SH3BP4: variants seen among roughly 807,000 people sequenced by gnomAD.
SH3BP4 encodes the protein SH3 domain-binding protein 4.
In SH3BP4, 33 loss-of-function variants were observed where a neutral mutation model predicts 65.5. The observed-to-expected ratio is 0.50, with a 90% CI of 0.38 to 0.67. The LOEUF is 0.67. Ranked by LOEUF, SH3BP4 falls within the 30% of genes least tolerant of loss-of-function variation. The probability of loss-of-function intolerance (pLI) is 0.00; values close to 1 mark genes in which losing one functional copy is unlikely to be tolerated. For synonymous variants in SH3BP4, 552 were observed against 545.5 expected (o/e 1.01, Z -0.17); for missense variants, 1,134 against 1,261.4 (o/e 0.90, Z 1.53).
chr2:235,037,117 T>C (rs1168580047), intron 3 of SH3BP4, among the ~76,000 whole-genome samples: 2 of 152,200 alleles, frequency 1.3e-5, no homozygotes, highest in Non-Finnish European at 2.9e-5. Context: ...GGCAGACGGA[T>C]AGGAAATGTA....
intron 1 of SH3BP4, among the ~76,000 whole-genome samples, chr2:234,989,229 G>A (rs1011936637): frequency 2.0e-5 from 3 of 152,186 alleles, no homozygotes; most frequent in South Asian, 2.1e-4. Context: ...CTGATTGTGC[G>A]AACCCGAAGC....
At chr2:234,971,122 C>G (rs1243737291) in intron 1 of SH3BP4, among the ~76,000 whole-genome samples, 2 of 152,210 alleles carry the variant, frequency 1.3e-5, no homozygotes, top group Non-Finnish European at 2.9e-5. Context: ...ATCTTCACAC[C>G]TTTTTCATCT....
chr2:235,038,376 C>CT (rs1695509443), intron 3 of SH3BP4, among the ~76,000 whole-genome samples: 1 of 12,364 alleles, frequency 8.1e-5, no homozygotes, highest in African/African-American at 3.6e-4. Context: ...AATATATATA[C>CT]ATATATATAT....
rs1375057859 is a variant in SH3BP4 at position 235,042,471 on chromosome 2, A to G, written c.1702A>G (p.Lys568Glu). The change falls in exon 4 of 6, where the codon AAG becomes GAG. Residue 568 changes from lysine to glutamate, a missense_variant. Transcript: ENST00000392011. This position sits in a 1 kb window ranked among gnomAD's most constrained non-coding sequence, Gnocchi z 7.3. ...GCGAGGATTCCAGCTGAAGCTGGGC[A>G]AGGTGAGCCGCCTGATCTTCCCCAT... ...VVRGFQLKLG[K>E]VSRLIFPITS... is the part of the protein sequence containing the mutation. The G allele has an allele frequency of 1.9e-6, 3 of 1,614,136 alleles. No homozygotes were observed. The highest frequency in any genetic ancestry group is 1.1e-5 in the South Asian group (1 of 91,080).
chr2:235,038,394 T>TA (rs1559254822), intron 3 of SH3BP4, among the ~76,000 whole-genome samples: 1 of 55,712 alleles, frequency 1.8e-5, no homozygotes. Context: ...TATATATATA[T>TA]ATATATATAT....
chr2:234,977,465 G>A lies in SH3BP4; in HGVS notation c.-206-17838G>A, dbSNP rs73995705. ...CACGGAGGCAGATCAGCTTTTTGCC[G>A]AGTGAACTTGAGAACCGGAGCAGAG... On this transcript the variant is annotated intron_variant, in intron 1 of 5. Transcript: ENST00000392011. The surrounding 1 kb of genome is among the most constrained non-coding windows in gnomAD (Gnocchi z 5.1). Among the ~76,000 whole-genome samples, 69 of 152,066 alleles carry A rather than the reference G, an allele frequency of 4.5e-4. 1 individual carries two copies. The highest frequency in any genetic ancestry group is 3.3e-3 in the Admixed American group (51 of 15,272).
intron 2 of SH3BP4, among the ~76,000 whole-genome samples, chr2:235,025,514 A>G (rs1232876849): frequency 1.3e-5 from 2 of 152,222 alleles, no homozygotes; most frequent in African/African-American, 4.8e-5. Flanking sequence ...CGCAACAGTC[A>G]TCCGTGCCAC....
Position 234,974,864 on chromosome 2 carries a change from C to T in SH3BP4, c.-206-20439C>T, listed in dbSNP as rs942759710. Among the ~76,000 whole-genome samples, 4 of 152,104 alleles carry T rather than the reference C, an allele frequency of 2.6e-5. No individual in the cohort carries two copies. The highest frequency in any genetic ancestry group is 7.2e-5 in the African/African-American group (3 of 41,436). On this transcript the variant is annotated intron_variant, in intron 1 of 5. Transcript: ENST00000392011. This position sits in a 1 kb window ranked among gnomAD's most constrained non-coding sequence, Gnocchi z 4.6. ...TGCCCACACTGGGGGTGCTGCAGGTCGCGTTTCACCCTGGCACGCCCTGCC... is the reference window on the plus strand; with the variant it reads ...TGCCCACACTGGGGGTGCTGCAGGTTGCGTTTCACCCTGGCACGCCCTGCC...
intron 1 of SH3BP4, among the ~76,000 whole-genome samples, chr2:234,980,888 CT>C (rs1401666485): frequency 6.6e-6 from 1 of 152,104 alleles, no homozygotes; most frequent in African/African-American, 2.4e-5. Flanking sequence ...TGTAGGAGTG[CT>C]TTTCGTTTTT....
chr2:235,050,176 C>T (rs1431075695), intron 4 of SH3BP4, among the ~76,000 whole-genome samples: 3 of 151,798 alleles, frequency 2.0e-5, no homozygotes, highest in East Asian at 1.9e-4. Flanking sequence ...AGTGCAGTGG[C>T]GCGATCTCAG....
chr2:235,011,405 C>T (rs1276516023), intron 2 of SH3BP4, among the ~76,000 whole-genome samples: 1 of 152,180 alleles, frequency 6.6e-6, no homozygotes, highest in African/African-American at 2.4e-5. Context: ...GAGTTAGAGC[C>T]CATCCTAATT....
chr2:235,034,971 T>G lies in SH3BP4; in HGVS notation c.-32T>G. 4 of 1,567,892 alleles carry G rather than the reference T, an allele frequency of 2.6e-6. No individual in the cohort carries two copies. Among genetic ancestry groups the G allele is most frequent in the Non-Finnish European group, 3.5e-6 (4 of 1,138,664 alleles). On this transcript the variant is annotated 5_prime_UTR_variant, in exon 3 of 6. Coordinates refer to ENST00000392011, the MANE Select transcript of SH3BP4 (RefSeq NM_014521.3). The surrounding 1 kb of genome is among the most constrained non-coding windows in gnomAD (Gnocchi z 6.2). ...TAACTGGAGGAAGAAATATGAAGCC[T>G]TAGCGGCTTTACCCGGGAAGCGAGT...
chr2:235,002,872 T>C (rs1029074987), intron 2 of SH3BP4, among the ~76,000 whole-genome samples: 2 of 152,190 alleles, frequency 1.3e-5, no homozygotes, highest in African/African-American at 4.8e-5. Flanking sequence ...GATTCTAGAA[T>C]TGTCAGCAGA....
In SH3BP4 at chr2:234,952,058, A is replaced by ACCGCCG. The variant is rs886827246; in HGVS notation, c.-306_-301dup. Reference sequence around the variant, plus strand: ...TCGGCGGTCCGGGCCCCTCGCCACTACCGCCGCCGCCGCCGCCGTGAGTCC... The same window carrying ACCGCCG: ...TCGGCGGTCCGGGCCCCTCGCCACTACCGCCGCCGCCGCCGCCGCCGCCGTGAGTCC... On this transcript the variant is annotated 5_prime_UTR_variant, in exon 1 of 6. Transcript: ENST00000392011. The surrounding 1 kb of genome is among the most constrained non-coding windows in gnomAD (Gnocchi z 6.5). 5 of 142,410 alleles carry ACCGCCG rather than the reference A, an allele frequency of 3.5e-5. No individual in the cohort carries two copies. Among genetic ancestry groups the ACCGCCG allele is most frequent in the Non-Finnish European group, 6.2e-5 (4 of 64,626 alleles). 8.8% of individuals were successfully genotyped at this position (142,410 alleles called of 1,614,324 possible).
chr2:234,984,417 C>T (rs927681512), intron 1 of SH3BP4, among the ~76,000 whole-genome samples: 7 of 151,754 alleles, frequency 4.6e-5, no homozygotes, highest in East Asian at 1.9e-4. Context: ...CTGTATTGCC[C>T]GGGCTGGTCT....
chr2:234,970,536 CG>C (rs1464458810), intron 1 of SH3BP4, among the ~76,000 whole-genome samples: 1 of 152,208 alleles, frequency 6.6e-6, no homozygotes, highest in Non-Finnish European at 1.5e-5. Flanking sequence ...TACAAAACTT[CG>C]GGTGTGCATA....
At chr2:235,031,552 A>T (rs968210495) in intron 2 of SH3BP4, among the ~76,000 whole-genome samples, 3 of 152,026 alleles carry the variant, frequency 2.0e-5, no homozygotes, top group African/African-American at 4.8e-5. Context: ...GACAAGACTG[A>T]CCCTTCACCA....
chr2:235,032,838 C>T (rs1346517207), intron 2 of SH3BP4, among the ~76,000 whole-genome samples: 3 of 152,102 alleles, frequency 2.0e-5, no homozygotes, highest in Non-Finnish European at 4.4e-5. Context: ...CGGTCCAGGG[C>T]GTCCGGGGTT....
At position 235,022,319 on chromosome 2, in the gene SH3BP4, C is replaced by T. The variant is rs557534926; in HGVS notation, c.-132-12552C>T. On this transcript the variant is annotated intron_variant, in intron 2 of 5. Coordinates refer to ENST00000392011, the MANE Select transcript of SH3BP4 (RefSeq NM_014521.3). ...TTGTGATCCCAGCAGTTTCGGAGGC[C>T]GAGGCGGGCAGATCACTTGAGGTCA... is the stretch of plus-strand genomic sequence containing the variant. Among the ~76,000 whole-genome samples, 13 of 152,062 alleles carry T rather than the reference C, an allele frequency of 8.5e-5. 1 individual carries two copies. In the East Asian group the frequency reaches 2.1e-3, roughly 25 times the overall value.
Sources: gnomAD v4.1 joint callset for allele counts (sites outside exome capture counted in the v4.1 genomes callset) on GRCh38, gnomAD v4.1.1 for gene constraint, Gnocchi (gnomAD v3.1) non-coding constraint, MANE v1.5 for transcripts, NCBI Gene and HGNC (gene_info 2026-07-23, HGNC 2026-07-21) for gene names.